Variants in FOXN3 observed in about 807,000 individuals in gnomAD.
The protein encoded by FOXN3 is forkhead box protein N3.
Under a neutral mutation model 38.4 loss-of-function variants are expected in FOXN3, and 7 were observed. That is an observed-to-expected ratio of 0.18 (90% CI 0.10 to 0.34). The LOEUF (loss-of-function observed/expected upper bound fraction) is 0.34. Among genes scored for constraint, FOXN3 ranks in the 10% least tolerant of loss-of-function variants. The pLI, the probability that FOXN3 is intolerant of heterozygous loss-of-function variation, is 1.00. For synonymous variants in FOXN3, 230 were observed against 242.2 expected (o/e 0.95, Z 0.47); for missense variants, 456 against 613.4 (o/e 0.74, Z 2.71).
At chr14:89,294,459 T>G (rs1480903865) in intron 3 of FOXN3, among the ~76,000 whole-genome samples, 1 of 152,188 alleles carries the variant, frequency 6.6e-6, no homozygotes, top group Non-Finnish European at 1.5e-5. Context: ...CAGAGGCGTC[T>G]GAACCACAGC....
At chr14:89,534,295 G>C (rs1400062459) in intron 1 of FOXN3, among the ~76,000 whole-genome samples, 1 of 151,542 alleles carries the variant, frequency 6.6e-6, no homozygotes, top group African/African-American at 2.4e-5. Flanking sequence ...TGGTAGAGAC[G>C]GGTTTCACCA....
At chr14:89,352,128 C>G (rs939582001) in intron 2 of FOXN3, among the ~76,000 whole-genome samples, 1 of 152,214 alleles carries the variant, frequency 6.6e-6, no homozygotes, top group South Asian at 2.1e-4. Context: ...CACCCACCCC[C>G]ACGTGCAGGC....
chr14:89,462,466 A>G (rs1892866773), intron 1 of FOXN3, among the ~76,000 whole-genome samples: 2 of 152,214 alleles, frequency 1.3e-5, no homozygotes, highest in Admixed American at 1.3e-4. Context: ...TCTGTTGCTT[A>G]TAACAGAATC....
intron 1 of FOXN3, among the ~76,000 whole-genome samples, chr14:89,558,323 CATGATGACCGAACCACGAA>C (rs1373784617): frequency 6.6e-6 from 1 of 152,146 alleles, no homozygotes; most frequent in Non-Finnish European, 1.5e-5. Context: ...ATAGCCTGGA[CATGATGACCGAACCACGAA>C]ATGGGTCATC....
chr14:89,451,273 A>G lies in FOXN3; in HGVS notation c.-14-38783T>C, dbSNP rs564331168. On this transcript the variant is annotated intron_variant, in intron 1 of 6. Transcript: ENST00000345097. Reference sequence around the variant, plus strand: ...ATGGTAGCCGGGCCCCCTACCATCAATCCAGCCTTGGGGGACATCCAATGT... The same window carrying G: ...ATGGTAGCCGGGCCCCCTACCATCAGTCCAGCCTTGGGGGACATCCAATGT... Among the ~76,000 whole-genome samples the G allele has an allele frequency of 4.6e-5, 7 of 152,288 alleles. No individual in the cohort carries two copies. In the South Asian group the frequency reaches 1.5e-3, roughly 32 times the overall value.
At chr14:89,304,518 T>C (rs1282348426) in intron 3 of FOXN3, among the ~76,000 whole-genome samples, 1 of 152,172 alleles carries the variant, frequency 6.6e-6, no homozygotes, top group East Asian at 1.9e-4. Context: ...TTAAAAATTC[T>C]GTTAAAAATA....
chr14:89,538,309 G>A (rs34219280), intron 1 of FOXN3, among the ~76,000 whole-genome samples: 100 of 152,256 alleles, frequency 6.6e-4, no homozygotes, highest in South Asian at 1.7e-3. Context: ...TACCCAGAGC[G>A]CACAGATGGC....
chr14:89,205,223 G>A (rs76855626), intron 4 of FOXN3, among the ~76,000 whole-genome samples: 4,456 of 152,126 alleles, frequency 0.029, 94 homozygotes, highest in Non-Finnish European at 0.043. Flanking sequence ...CAGAATGTGT[G>A]TGTCCCCCAA....
intron 3 of FOXN3, among the ~76,000 whole-genome samples, chr14:89,313,871 A>G (rs1042389424): frequency 2.0e-5 from 3 of 152,248 alleles, no homozygotes; most frequent in African/African-American, 7.2e-5. Flanking sequence ...GCTAAGTGAA[A>G]GAAGCCAGTC....
intron 1 of FOXN3, among the ~76,000 whole-genome samples, chr14:89,475,060 C>T (rs531747633): frequency 5.7e-4 from 87 of 151,798 alleles, no homozygotes; most frequent in Non-Finnish European, 6.5e-4. Flanking sequence ...GTGATCCATC[C>T]GCCCCAGCCT....
chr14:89,492,415 C>A (rs1423793599), intron 1 of FOXN3, among the ~76,000 whole-genome samples: 1 of 151,390 alleles, frequency 6.6e-6, no homozygotes, highest in Non-Finnish European at 1.5e-5. Flanking sequence ...AGCTCGTCCT[C>A]TGAGAATGGA....
At chr14:89,534,252 C>T (rs964240977) in intron 1 of FOXN3, among the ~76,000 whole-genome samples, 10 of 151,662 alleles carry the variant, frequency 6.6e-5, no homozygotes, top group African/African-American at 2.2e-4. Flanking sequence ...ATTACAGGTG[C>T]GCACCACCAC....
chr14:89,240,389 A>G (rs559864470), intron 4 of FOXN3, among the ~76,000 whole-genome samples: 1 of 152,368 alleles, frequency 6.6e-6, no homozygotes, highest in African/African-American at 2.4e-5. Flanking sequence ...ATCACTTTTA[A>G]CCAATAGTGA....
At chr14:89,328,240 C>T (rs1888132256) in intron 3 of FOXN3, among the ~76,000 whole-genome samples, 1 of 152,238 alleles carries the variant, frequency 6.6e-6, no homozygotes, top group Admixed American at 6.5e-5. Flanking sequence ...GTAACCCGCA[C>T]AAAGCATGGC....
At chr14:89,538,492 TTC>T (rs1894732127) in intron 1 of FOXN3, among the ~76,000 whole-genome samples, 2 of 152,104 alleles carry the variant, frequency 1.3e-5, no homozygotes, top group African/African-American at 4.8e-5. Flanking sequence ...CTTCAGAAGA[TTC>T]TGTTTTCCTT....
At chr14:89,268,620 G>A (rs369783181) in intron 4 of FOXN3, among the ~76,000 whole-genome samples, 3 of 152,178 alleles carry the variant, frequency 2.0e-5, no homozygotes, top group Non-Finnish European at 4.4e-5. Context: ...GCCATTTCCC[G>A]TACCCCAGCA....
chr14:89,414,141 G>A (rs1038752188), intron 1 of FOXN3, among the ~76,000 whole-genome samples: 1 of 151,708 alleles, frequency 6.6e-6, no homozygotes. Flanking sequence ...ATGGTAAAAC[G>A]CCATCTCCAC....
At chr14:89,254,417 G>A (rs1396780782) in intron 4 of FOXN3, among the ~76,000 whole-genome samples, 5 of 152,124 alleles carry the variant, frequency 3.3e-5, no homozygotes, top group Non-Finnish European at 7.3e-5. Flanking sequence ...GGGGAGAAGG[G>A]GTGGTGCAGG....
intron 2 of FOXN3, among the ~76,000 whole-genome samples, chr14:89,401,920 G>A (rs1028829609): frequency 9.9e-5 from 15 of 152,096 alleles, no homozygotes; most frequent in African/African-American, 3.4e-4. Context: ...TTTTTCCCCT[G>A]GGAAGCGTAT....
Sources: allele counts gnomAD v4.1 joint callset (sites outside exome capture counted in the v4.1 genomes callset), GRCh38; gene constraint gnomAD v4.1.1; transcripts MANE v1.5; gene names NCBI Gene and HGNC (gene_info 2026-07-23, HGNC 2026-07-21).